Variants in ZNF385D observed in about 807,000 individuals in gnomAD.
The protein encoded by ZNF385D is zinc finger protein 385D.
ZNF385D carries 15 observed loss-of-function variants against 35.8 expected under a neutral mutation model. The ratio of observed to expected loss-of-function variants is 0.42; its 90% confidence interval spans 0.28 to 0.64. The LOEUF is 0.64. ZNF385D is among the 30% of genes least tolerant of loss of function. The probability of loss-of-function intolerance (pLI) is 0.23; values close to 1 mark genes in which losing one functional copy is unlikely to be tolerated. For missense variants in ZNF385D, 474 were observed against 494.6 expected (o/e 0.96, Z 0.39); for synonymous variants, 212 against 186.8 (o/e 1.13, Z -1.10).
At chr3:21,827,613 T>C (rs1049806415) in intron 3 of ZNF385D, among the ~76,000 whole-genome samples, 2 of 152,174 alleles carry the variant, frequency 1.3e-5, no homozygotes, top group Non-Finnish European at 1.5e-5. Context: ...CCTGATTTCA[T>C]ATAGGGAGGA....
chr3:21,727,323 G>A (rs1157170143), intron 1 of ZNF385D, among the ~76,000 whole-genome samples: 1 of 152,104 alleles, frequency 6.6e-6, no homozygotes, highest in Non-Finnish European at 1.5e-5. Flanking sequence ...ATTGACAAAT[G>A]GTATCTAATT....
chr3:21,481,272 A>G (rs148191762), intron 4 of ZNF385D, among the ~76,000 whole-genome samples: 90 of 152,318 alleles, frequency 5.9e-4, no homozygotes, highest in Middle Eastern at 3.4e-3. Flanking sequence ...AGATTATGCA[A>G]AAGTCCAATT....
chr3:21,798,093 G>A (rs1008727742), intron 3 of ZNF385D, among the ~76,000 whole-genome samples: 1 of 152,174 alleles, frequency 6.6e-6, no homozygotes, highest in Non-Finnish European at 1.5e-5. Context: ...TCTGGTGGGG[G>A]ATTTTGATAA....
intron 1 of ZNF385D, among the ~76,000 whole-genome samples, chr3:21,720,179 C>T (rs1332662623): frequency 6.6e-6 from 1 of 152,140 alleles, no homozygotes; most frequent in Non-Finnish European, 1.5e-5. Flanking sequence ...AATGTGCAGC[C>T]AAGGCTGAGA....
At chr3:22,099,902 T>A (rs2125621891) in intron 3 of ZNF385D, among the ~76,000 whole-genome samples, 1 of 82,352 alleles carries the variant, frequency 1.2e-5, no homozygotes, top group Non-Finnish European at 2.8e-5. Context: ...GAGATCCTGG[T>A]AAAACCTTTA....
intron 2 of ZNF385D, among the ~76,000 whole-genome samples, chr3:22,325,709 G>C (rs78786008): frequency 2.0e-5 from 3 of 152,118 alleles, no homozygotes; most frequent in African/African-American, 7.2e-5. Context: ...AGTGAGCCAA[G>C]ATCACGCCAT....
At chr3:22,180,970 C>T (rs1695229689) in intron 2 of ZNF385D, among the ~76,000 whole-genome samples, 1 of 128,722 alleles carries the variant, frequency 7.8e-6, no homozygotes. Flanking sequence ...ATTTATAATG[C>T]TTAAAGTCTC....
Position 22,172,749 on chromosome 3 carries a change from T to C in ZNF385D, c.107-3714A>G, listed in dbSNP as rs114978450. Among the ~76,000 whole-genome samples the C allele has an allele frequency of 1.3e-3, 202 of 152,332 alleles. 1 individual carries two copies. Among genetic ancestry groups the C allele is most frequent in the African/African-American group, 4.6e-3 (191 of 41,570 alleles). ...TATTATTGGATTAATACCTAAAGTA[T>C]AAATTTCAATGAGTATATACTGATA... is the stretch of plus-strand genomic sequence containing the variant. On this transcript the variant is annotated intron_variant, in intron 2 of 5. Transcript: ENST00000494108.
intron 3 of ZNF385D, among the ~76,000 whole-genome samples, chr3:21,985,378 G>T (rs1433352640): frequency 2.6e-5 from 3 of 114,194 alleles, no homozygotes; most frequent in African/African-American, 1.2e-4. Flanking sequence ...TAGCATGAAG[G>T]GTTGTTGAAT....
intron 1 of ZNF385D, among the ~76,000 whole-genome samples, chr3:21,700,920 T>C (rs555706671): frequency 7.2e-5 from 11 of 152,148 alleles, no homozygotes; most frequent in Non-Finnish European, 1.5e-4. Context: ...TAAATAACTG[T>C]TGTGAATATT....
chr3:22,035,255 T>C (rs1698244578), intron 3 of ZNF385D, among the ~76,000 whole-genome samples: 1 of 152,218 alleles, frequency 6.6e-6, no homozygotes, highest in Admixed American at 6.5e-5. Flanking sequence ...CTTTGCAACC[T>C]TGTCCTCATA....
intron 3 of ZNF385D, among the ~76,000 whole-genome samples, chr3:22,127,316 G>GTTTTTTTTTTTTTTTT (rs1559389409): frequency 1.3e-5 from 1 of 76,050 alleles, no homozygotes; most frequent in African/African-American, 5.4e-5. Context: ...TTCATTTCCT[G>GTTTTTTTTTTTTTTTT]CTTTTTTTTT....
intron 3 of ZNF385D, among the ~76,000 whole-genome samples, chr3:21,886,829 C>T (rs866310669): frequency 6.6e-6 from 1 of 152,098 alleles, no homozygotes; most frequent in Non-Finnish European, 1.5e-5. Context: ...GTTCTCCCTA[C>T]CTAATGACAT....
intron 2 of ZNF385D, among the ~76,000 whole-genome samples, chr3:22,174,524 C>G (rs1694687284): frequency 6.6e-6 from 1 of 152,050 alleles, no homozygotes; most frequent in Admixed American, 6.6e-5. Context: ...ATGACTTCTC[C>G]CACTGTGTAA....
intron 2 of ZNF385D, among the ~76,000 whole-genome samples, chr3:22,352,670 T>A (rs150934724): frequency 2.0e-5 from 3 of 152,032 alleles, no homozygotes; most frequent in African/African-American, 7.2e-5. Flanking sequence ...CATCCTGAGG[T>A]TTTCACCAAG....
rs190435456 is a variant in ZNF385D at position 22,238,405 on chromosome 3, T to C, written c.107-69370A>G. ...TGAATCTGTAGATCAGTTTGACATG[T>C]ATTTCTATCTTTAAAATGTCAAATT... On this transcript the variant is annotated intron_variant, in intron 2 of 5. Coordinates refer to the ZNF385D transcript ENST00000494108. 2.6e-5 allele frequency among the ~76,000 whole-genome samples: 4 copies of C among 151,296 alleles called. 1 individual carries two copies. The South Asian group carries it at 6.5e-4, about 24-fold the overall frequency.
intron 2 of ZNF385D, among the ~76,000 whole-genome samples, chr3:22,359,129 T>C (rs1575193133): frequency 6.7e-6 from 1 of 150,040 alleles, no homozygotes; most frequent in African/African-American, 2.4e-5. Flanking sequence ...CTACGGTTGA[T>C]TATTTTAACT....
rs1184486894 is a variant in ZNF385D at position 21,770,696 on chromosome 3, C to T, written c.326-105668G>A. ...GACAGTGTGGTTATTCCTCAGGGAT[C>T]TAGAACTAGAAATACCATTTGACCC... On this transcript the variant is annotated intron_variant, in intron 3 of 5. Transcript: ENST00000494108. Among the ~76,000 whole-genome samples the T allele has an allele frequency of 2.6e-5, 4 of 152,228 alleles. No individual in the cohort carries two copies. In the South Asian group the frequency reaches 6.2e-4, roughly 24 times the overall value.
At chr3:22,322,283 C>T (rs1694476612) in intron 2 of ZNF385D, among the ~76,000 whole-genome samples, 1 of 152,168 alleles carries the variant, frequency 6.6e-6, no homozygotes, top group African/African-American at 2.4e-5. Context: ...CACAGAGGGA[C>T]ATGGATGATA....
Sources: gnomAD v4.1 joint callset for allele counts (sites outside exome capture counted in the v4.1 genomes callset) on GRCh38, gnomAD v4.1.1 for gene constraint, MANE v1.5 for transcripts, NCBI Gene and HGNC (gene_info 2026-07-23, HGNC 2026-07-21) for gene names.